ASIP: variants seen among roughly 807,000 people sequenced by gnomAD.
The protein encoded by ASIP is agouti-signaling protein.
In ASIP, 11 loss-of-function variants were observed where a neutral mutation model predicts 10.3. The observed-to-expected ratio is 1.07, with a 90% CI of 0.68 to 1.78. The LOEUF is 1.78. ASIP is among the 40% of genes most tolerant of loss of function. The pLI is 0.00. For synonymous variants in ASIP, 70 were observed against 70.8 expected, an observed-to-expected ratio of 0.99 and a Z score of 0.06; for missense variants, 180 against 169.2, an observed-to-expected ratio of 1.06 and a Z score of -0.35.
At chr20:34,220,662 C>G (rs1326232568) in intron 1 of ASIP, among the ~76,000 whole-genome samples, 1 of 151,444 alleles carries the variant, frequency 6.6e-6, no homozygotes, top group South Asian at 2.1e-4. Flanking sequence ...TAACTCAACA[C>G]GGGGAATCAG....
intron 1 of ASIP, among the ~76,000 whole-genome samples, chr20:34,247,342 C>T (rs1365322988): frequency 6.7e-6 from 1 of 150,202 alleles, no homozygotes; most frequent in African/African-American, 2.5e-5. Flanking sequence ...CTTCTGTTGC[C>T]CAGGCTGGAG....
intron 1 of ASIP, among the ~76,000 whole-genome samples, chr20:34,258,697 T>TATATATATATATATATATATACACAC (rs2035623038): frequency 2.3e-4 from 3 of 13,134 alleles, no homozygotes; most frequent in Non-Finnish European, 8.8e-4. Flanking sequence ...ATATACATAC[T>TATATATATATATATATATATACACAC]ATATATATAT....
At chr20:34,217,336 G>C (rs2035015509) in intron 1 of ASIP, among the ~76,000 whole-genome samples, 1 of 151,372 alleles carries the variant, frequency 6.6e-6, no homozygotes, top group South Asian at 2.1e-4. Flanking sequence ...TACTCCGGAG[G>C]CTGACGCAGG....
chr20:34,262,260 G>A (rs2035706669), intron 2 of ASIP, among the ~76,000 whole-genome samples: 1 of 152,192 alleles, frequency 6.6e-6, no homozygotes, highest in African/African-American at 2.4e-5. Context: ...AGACAATACT[G>A]CAAGGCAGAT....
chr20:34,258,734 GTATA>G (rs1230113593), intron 1 of ASIP, among the ~76,000 whole-genome samples: 1 of 41,952 alleles, frequency 2.4e-5, no homozygotes, highest in East Asian at 8.2e-4. Context: ...AATATATATA[GTATA>G]TATATACTAT....
At chr20:34,223,869 C>T (rs1352091437) in intron 1 of ASIP, among the ~76,000 whole-genome samples, 39 of 96,906 alleles carry the variant, frequency 4.0e-4, no homozygotes, top group Non-Finnish European at 6.1e-4. Flanking sequence ...TTTTGTTCTG[C>T]ACTAAGAAAA....
intron 1 of ASIP, among the ~76,000 whole-genome samples, chr20:34,257,496 T>C (rs2035594143): frequency 6.6e-6 from 1 of 152,180 alleles, no homozygotes; most frequent in Non-Finnish European, 1.5e-5. Flanking sequence ...TTAAAAACAA[T>C]ATTGCTTTTG....
chr20:34,264,853 T>C (rs2035757931), intron 3 of ASIP, among the ~76,000 whole-genome samples: 1 of 147,120 alleles, frequency 6.8e-6, no homozygotes, highest in Admixed American at 7.1e-5. Context: ...TGGAGTGCAG[T>C]GGCACCATCT....
chr20:34,203,707 C>T (rs1364776510), intron 1 of ASIP, among the ~76,000 whole-genome samples: 1 of 151,844 alleles, frequency 6.6e-6, no homozygotes, highest in South Asian at 2.1e-4. Flanking sequence ...TTATAAGTGG[C>T]GTATTTTAAT....
intron 3 of ASIP, among the ~76,000 whole-genome samples, chr20:34,264,317 G>T (rs78114175): frequency 6.6e-6 from 1 of 152,132 alleles, no homozygotes; most frequent in Non-Finnish European, 1.5e-5. Flanking sequence ...TTGCCATTGC[G>T]GCATGCTCAG....
chr20:34,221,927 T>C (rs2035050331), intron 1 of ASIP, among the ~76,000 whole-genome samples: 1 of 152,042 alleles, frequency 6.6e-6, no homozygotes, highest in Non-Finnish European at 1.5e-5. Flanking sequence ...CTGGGCAACA[T>C]GGCAAAACCT....
chr20:34,258,832 T>TTA (rs1157090191), intron 1 of ASIP, among the ~76,000 whole-genome samples: 2 of 120,320 alleles, frequency 1.7e-5, no homozygotes, highest in Non-Finnish European at 3.4e-5. Context: ...ATATATAGTA[T>TTA]TATATATATA....
At chr20:34,190,728 A>G (rs1445061965), upstream of ASIP, among the ~76,000 whole-genome samples, 1 of 152,194 alleles carries the variant, frequency 6.6e-6, no homozygotes, top group Non-Finnish European at 1.5e-5. Context: ...CATCCCATGC[A>G]GTCTTTTCTC....
At chr20:34,253,006 C>T (rs1471858033) in intron 1 of ASIP, among the ~76,000 whole-genome samples, 1 of 152,202 alleles carries the variant, frequency 6.6e-6, no homozygotes, top group Non-Finnish European at 1.5e-5. Flanking sequence ...AGGTTAACAG[C>T]ATCTCAAAGC....
chr20:34,219,356 A>G (rs1025501674), intron 1 of ASIP, among the ~76,000 whole-genome samples: 14 of 152,134 alleles, frequency 9.2e-5, no homozygotes, highest in Non-Finnish European at 7.4e-5. Context: ...CATCATAATG[A>G]TCCTGCAGAA....
chr20:34,202,657 T>G (rs1210137951), intron 1 of ASIP, among the ~76,000 whole-genome samples: 1 of 152,164 alleles, frequency 6.6e-6, no homozygotes, highest in Admixed American at 6.5e-5. Flanking sequence ...TTCTGGAATC[T>G]CCATTCTTTT....
intron 3 of ASIP, among the ~76,000 whole-genome samples, chr20:34,267,409 C>T (rs778709941): frequency 3.3e-5 from 4 of 121,796 alleles, no homozygotes; most frequent in Non-Finnish European, 6.3e-5. Context: ...CGGTGGCTCA[C>T]ATCTGTAATC....
intron 1 of ASIP, among the ~76,000 whole-genome samples, chr20:34,224,604 G>C (rs1004928485): frequency 2.0e-5 from 3 of 152,060 alleles, no homozygotes; most frequent in African/African-American, 7.2e-5. Context: ...AGATGCAGGC[G>C]TCTAGCAGAA....
chr20:34,200,528 G>A (rs979698269), intron 1 of ASIP, among the ~76,000 whole-genome samples: 15 of 152,216 alleles, frequency 9.9e-5, no homozygotes, highest in African/African-American at 3.1e-4. Flanking sequence ...TTGGAGAGCT[G>A]TTTTCTCATT....
Sources: allele counts gnomAD v4.1 joint callset (sites outside exome capture counted in the v4.1 genomes callset), GRCh38; gene constraint gnomAD v4.1.1; transcripts MANE v1.5; gene names NCBI Gene and HGNC (gene_info 2026-07-23, HGNC 2026-07-21).